Variants in KIAA2012 observed in about 807,000 individuals in gnomAD.
KIAA2012 encodes the protein uncharacterized protein KIAA2012.
KIAA2012 carries 125 observed loss-of-function variants against 150.6 expected under a neutral mutation model. That is an observed-to-expected ratio of 0.83 (90% CI 0.72 to 0.96). The LOEUF is 0.96. KIAA2012 is among the 40% of genes least tolerant of loss of function. The pLI is 0.00. For missense variants in KIAA2012, 1,219 were observed against 1,354.9 expected (o/e 0.90, Z 1.57); for synonymous variants, 462 against 504.7 (o/e 0.92, Z 1.13).
chr2:202,084,892 T>C (rs1402097103), intron 2 of KIAA2012, among the ~76,000 whole-genome samples: 1 of 152,232 alleles, frequency 6.6e-6, no homozygotes, highest in African/African-American at 2.4e-5. Context: ...AGCACCCTAA[T>C]ACTCCCATTA....
chr2:202,201,796 G>C, intron 22 of KIAA2012: 1 of 1,301,496 alleles, frequency 7.7e-7, no homozygotes, highest in Non-Finnish European at 1.1e-6. Flanking sequence ...GGTAGAGCCT[G>C]AGAAAGATGC....
chr2:202,128,651 T>C (rs1353037719), intron 12 of KIAA2012, among the ~76,000 whole-genome samples: 1 of 151,916 alleles, frequency 6.6e-6, no homozygotes, highest in Non-Finnish European at 1.5e-5. Flanking sequence ...ACATACCTAC[T>C]GTCAGTGCAG....
intron 22 of KIAA2012, 113 bp from the exon 23 acceptor site, chr2:202,202,316 G>C (rs1692547236): frequency 7.5e-6 from 3 of 400,392 alleles, no homozygotes; most frequent in East Asian, 3.6e-5. Flanking sequence ...AAGATCAACA[G>C]CCCGAAGTCT....
intron 19 of KIAA2012, 74 bp from the exon 20 acceptor site, chr2:202,193,227 T>C (rs1692352028): frequency 6.5e-6 from 9 of 1,387,122 alleles, no homozygotes; most frequent in Non-Finnish European, 8.0e-6. Flanking sequence ...GACAACACTG[T>C]CTGGGGTGGA....
chr2:202,193,231 G>C, intron 19 of KIAA2012, 70 bp from the exon 20 acceptor site: 1 of 1,395,114 alleles, frequency 7.2e-7, no homozygotes, highest in African/African-American at 1.4e-5. Flanking sequence ...ACACTGTCTG[G>C]GGTGGAGAAG....
rs1366349752 is a variant in KIAA2012 at position 202,168,910 on chromosome 2, C to CA, written c.2119+3561dup. Reference sequence around the variant, plus strand: ...GCCATTTCCATCATTTCTGTTCTGTCAAAAAAAGGAGGCCCAGAGCCCTAT... The same window carrying CA: ...GCCATTTCCATCATTTCTGTTCTGTCAAAAAAAAGGAGGCCCAGAGCCCTAT... On this transcript the variant is annotated intron_variant, in intron 15 of 23. Transcript: ENST00000498697. 2.0e-5 allele frequency among the ~76,000 whole-genome samples: 3 copies of CA among 152,060 alleles called. No homozygotes were observed. In the East Asian group the frequency reaches 5.8e-4, roughly 29 times the overall value.
chr2:202,113,467 G>A lies in KIAA2012; in HGVS notation c.1762+21G>A, dbSNP rs1203090504. On this transcript the variant is annotated intron_variant, in intron 11 of 23. Coordinates refer to ENST00000498697, the MANE Select transcript of KIAA2012 (RefSeq NM_001277372.4). ...TAAAGGTAAGCTAACACATTCCAGG[G>A]CAGCCTTGTTTTTTTTTTTTCAAAG... is the stretch of plus-strand genomic sequence containing the variant. The A allele has an allele frequency of 7.4e-6, 11 of 1,493,390 alleles. No homozygotes were observed. In the South Asian group the frequency reaches 9.0e-5, roughly 12 times the overall value. 92.5% of individuals were successfully genotyped at this position (1,493,390 alleles called of 1,614,324 possible). A position where few individuals can be genotyped will look rare whatever the true frequency, so the allele number is the denominator to read the frequency against.
rs932104341 is a variant in KIAA2012 at position 202,128,163 on chromosome 2, A to C, written c.1831+2881A>C. Among the ~76,000 whole-genome samples, 15 of 152,180 alleles carry C rather than the reference A, an allele frequency of 9.9e-5. No individual in the cohort carries two copies. The East Asian group carries it at 1.9e-3, about 20-fold the overall frequency. On this transcript the variant is annotated intron_variant, in intron 12 of 23. Transcript: ENST00000498697. ...GCCGATGGGGTGACACTCACCACCA[A>C]CATGTGCACAATGAACCATGCTTAC...
At chr2:202,101,846 T>C (rs1214749210) in intron 7 of KIAA2012, among the ~76,000 whole-genome samples, 1 of 152,202 alleles carries the variant, frequency 6.6e-6, no homozygotes, top group Non-Finnish European at 1.5e-5. Flanking sequence ...ATAGATTTGG[T>C]TGAATTTCCT....
chr2:202,100,273 T>A (rs1197396087), intron 6 of KIAA2012, 34 bp from the exon 7 acceptor site: 2 of 1,537,098 alleles, frequency 1.3e-6, no homozygotes, highest in South Asian at 2.4e-5. Flanking sequence ...CTACCTGCAA[T>A]TAATATATTC....
chr2:202,102,418 T>A (rs1462211804), intron 7 of KIAA2012, among the ~76,000 whole-genome samples: 1 of 152,262 alleles, frequency 6.6e-6, no homozygotes, highest in Non-Finnish European at 1.5e-5. Context: ...TTAGCTCATT[T>A]AATCCTTACA....
chr2:202,202,254 A>G (rs776737910), intron 22 of KIAA2012, among the ~76,000 whole-genome samples, 175 bp from the exon 23 acceptor site: 17 of 152,224 alleles, frequency 1.1e-4, no homozygotes, highest in Non-Finnish European at 2.1e-4. Context: ...TGGTACTCCA[A>G]ACCTTGTATG....
At chr2:202,122,065 G>T (rs920557870) in intron 11 of KIAA2012, among the ~76,000 whole-genome samples, 14 of 152,222 alleles carry the variant, frequency 9.2e-5, no homozygotes, top group African/African-American at 2.4e-4. Context: ...AGCGTGGTGT[G>T]AGTGGACTGT....
intron 15 of KIAA2012, among the ~76,000 whole-genome samples, chr2:202,168,417 C>CAAAAAAAAAAAAAA (rs59232782): frequency 1.1e-5 from 1 of 92,172 alleles, no homozygotes; most frequent in Non-Finnish European, 2.3e-5. Flanking sequence ...GACTCTGTCT[C>CAAAAAAAAAAAAAA]AAAAAAAAAA....
intron 13 of KIAA2012, among the ~76,000 whole-genome samples, chr2:202,143,075 AT>A (rs59488285): frequency 0.25 from 31,281 of 124,910 alleles, 2,024 homozygotes; most frequent in South Asian, 0.29. Context: ...CACTGGTTTA[AT>A]TTTTTTTTTT....
In KIAA2012 at chr2:202,095,706, C is replaced by T. The variant is rs1358163005; in HGVS notation, c.686-1729C>T. ...ATTGATTGAGTCACATATTCAAACT[C>T]ACCTGGGATATTACCAAAGGGAAAA... On this transcript the variant is annotated intron_variant, in intron 4 of 23. Coordinates refer to ENST00000498697, the MANE Select transcript of KIAA2012 (RefSeq NM_001277372.4). Among the ~76,000 whole-genome samples the T allele has an allele frequency of 1.4e-4, 22 of 152,146 alleles. 1 individual carries two copies. The highest frequency in any genetic ancestry group is 1.4e-3 in the Admixed American group (22 of 15,274).
At chr2:202,094,166 C>T (rs1442259574) in intron 4 of KIAA2012, among the ~76,000 whole-genome samples, 1 of 152,144 alleles carries the variant, frequency 6.6e-6, no homozygotes, top group African/African-American at 2.4e-5. Flanking sequence ...GCCTGTAGTC[C>T]CAGCTACTTG....
chr2:202,073,611 G>A lies in KIAA2012; in HGVS notation c.-17G>A. 6.5e-7 allele frequency: 1 copy of A among 1,549,548 alleles called. No homozygotes were observed. The highest frequency in any genetic ancestry group is 1.2e-5 in the South Asian group (1 of 83,886). On this transcript the variant is annotated 5_prime_UTR_variant, in exon 1 of 24. Transcript: ENST00000498697. ...CCAAGATGGACTGCCCTTGAGAAGG[G>A]GTGGTCAGAGGGAAACATGTTCACG...
At chr2:202,173,567 C>T (rs981164037) in intron 15 of KIAA2012, among the ~76,000 whole-genome samples, 8 of 152,152 alleles carry the variant, frequency 5.3e-5, no homozygotes, top group South Asian at 2.1e-4. Flanking sequence ...GAAACTCCAT[C>T]TCAAAAAATA....
Sources: allele counts gnomAD v4.1 joint callset (sites outside exome capture counted in the v4.1 genomes callset), GRCh38; gene constraint gnomAD v4.1.1; transcripts MANE v1.5; gene names NCBI Gene and HGNC (gene_info 2026-07-23, HGNC 2026-07-21).